The following HMG20A variants were observed in gnomAD, a reference collection of about 807,000 sequenced individuals.
HMG20A encodes high mobility group protein 20A.
HMG20A carries 17 observed loss-of-function variants against 43.9 expected under a neutral mutation model. The observed-to-expected ratio is 0.39, with a 90% CI of 0.27 to 0.58. The LOEUF (loss-of-function observed/expected upper bound fraction) is 0.58, where lower values mean the gene tolerates loss of function less well. HMG20A is among the 20% of genes least tolerant of loss of function. HMG20A has a pLI of 0.59. For synonymous variants in HMG20A, 132 were observed against 147.5 expected (o/e 0.89, Z 0.76); for missense variants, 341 against 438.2 (o/e 0.78, Z 1.98).
chr15:77,470,914 A>G lies in HMG20A; in HGVS notation c.455A>G (p.Tyr152Cys). The G allele has an allele frequency of 6.3e-7, 1 of 1,580,054 alleles. No homozygotes were observed. The highest frequency in any genetic ancestry group is 8.6e-7 in the Non-Finnish European group (1 of 1,168,784). The part of the protein sequence containing the change: ...SKLPPEEKQR[Y>C]LDEADRDKER... Reference sequence around the variant, plus strand: ...AATTCTGTATTTCTTTCCTAGCGCTACCTTGATGAAGCAGACAGAGATAAG... The same window carrying G: ...AATTCTGTATTTCTTTCCTAGCGCTGCCTTGATGAAGCAGACAGAGATAAG... Residue 152 changes from tyrosine to cysteine, a missense_variant, in exon 5 of 10, where the codon TAC becomes TGC. Transcript: ENST00000336216.
At chr15:77,457,695 C>T (rs943268698) in intron 1 of HMG20A, among the ~76,000 whole-genome samples, 1 of 152,124 alleles carries the variant, frequency 6.6e-6, no homozygotes, top group Non-Finnish European at 1.5e-5. Flanking sequence ...TACCCAGGTG[C>T]ATGCTATTTC....
the HMG20A span, among the ~76,000 whole-genome samples, chr15:77,515,713 A>G: frequency 1.3e-4 from 19 of 148,096 alleles, no homozygotes; most frequent in East Asian, 3.5e-3. Flanking sequence ...GATTTTCAAA[A>G]CACTCCAAAC....
intron 1 of HMG20A, among the ~76,000 whole-genome samples, chr15:77,441,182 A>G (rs2073609209): frequency 1.3e-5 from 2 of 152,200 alleles, no homozygotes; most frequent in South Asian, 2.1e-4. Context: ...GGAGCTTTTG[A>G]CTAGCTTGCC....
chr15:77,430,773 A>G (rs2073476346), intron 1 of HMG20A, among the ~76,000 whole-genome samples: 1 of 152,228 alleles, frequency 6.6e-6, no homozygotes. Context: ...GAACTGTAAG[A>G]AAGTTAATTT....
chr15:77,458,514 G>A lies in HMG20A; in HGVS notation c.89+18G>A. On this transcript the variant is annotated intron_variant, in intron 2 of 9. Transcript: ENST00000336216. ...ACCACTGGGTAAGCAGCTGCTTTAG[G>A]ACACTGGACTTCTCCATAGGCCTCA... 1.9e-6 allele frequency: 3 copies of A among 1,542,992 alleles called. No homozygotes were observed. The highest frequency in any genetic ancestry group is 2.7e-6 in the Non-Finnish European group (3 of 1,116,498).
At chr15:77,460,758 G>T (rs1363110407) in intron 2 of HMG20A, among the ~76,000 whole-genome samples, 1 of 152,082 alleles carries the variant, frequency 6.6e-6, no homozygotes, top group Non-Finnish European at 1.5e-5. Flanking sequence ...GACTGAGGTG[G>T]GTGGATCACT....
At chr15:77,471,759 T>C in intron 5 of HMG20A, 24 bp from the exon 6 acceptor site, 1 of 1,532,684 alleles carries the variant, frequency 6.5e-7, no homozygotes, top group Non-Finnish European at 9.0e-7. Context: ...AATGTAATGT[T>C]CTCTTATTCT....
At chr15:77,487,682 T>C (rs986773746), downstream of HMG20A, among the ~76,000 whole-genome samples, 1 of 152,240 alleles carries the variant, frequency 6.6e-6, no homozygotes, top group Non-Finnish European at 1.5e-5. Flanking sequence ...AAGCTTTCCC[T>C]AAGGGTGGGG....
chr15:77,495,274 G>A, the HMG20A span, among the ~76,000 whole-genome samples: 5 of 152,346 alleles, frequency 3.3e-5, no homozygotes, highest in African/African-American at 9.6e-5. Context: ...GCCAGCAGGC[G>A]TGGTGGCTCA....
chr15:77,477,552 C>G lies in HMG20A; in HGVS notation c.616-3C>G. 6.2e-7 allele frequency: 1 copy of G among 1,600,756 alleles called. No individual in the cohort carries two copies. On this transcript the variant is annotated splice_polypyrimidine_tract_variant and splice_region_variant and intron_variant, in intron 6 of 9. Transcript: ENST00000336216. ...TAACTGTTTTGTTCCTCTTGATTCA[C>G]AGAAAGAAACAGAGGTAAAGGAACG...
At chr15:77,488,871 C>G (rs1294900138), downstream of HMG20A, among the ~76,000 whole-genome samples, 1 of 152,204 alleles carries the variant, frequency 6.6e-6, no homozygotes, top group African/African-American at 2.4e-5. Flanking sequence ...TCTACATACA[C>G]TTTTAATGTA....
downstream of HMG20A, among the ~76,000 whole-genome samples, chr15:77,487,935 A>G (rs1050209684): frequency 6.6e-6 from 1 of 152,228 alleles, no homozygotes; most frequent in African/African-American, 2.4e-5. Context: ...GTTAATGTAC[A>G]TCTGCTCATC....
the HMG20A span, among the ~76,000 whole-genome samples, chr15:77,513,673 C>T: frequency 2.6e-5 from 4 of 152,052 alleles, no homozygotes; most frequent in Non-Finnish European, 4.4e-5. Context: ...CTTATAAGGA[C>T]ACCAGTTCTA....
chr15:77,455,135 T>G (rs1595921862), intron 1 of HMG20A, among the ~76,000 whole-genome samples: 1 of 151,864 alleles, frequency 6.6e-6, no homozygotes, highest in East Asian at 1.9e-4. Context: ...CTTCCAGCAC[T>G]GTCCAACACA....
intron 4 of HMG20A, among the ~76,000 whole-genome samples, chr15:77,467,751 A>G (rs2072769748): frequency 6.6e-6 from 1 of 152,230 alleles, no homozygotes; most frequent in Non-Finnish European, 1.5e-5. Context: ...CTGGCAAATT[A>G]ACCTACTATT....
At chr15:77,505,169 C>T in the HMG20A span, among the ~76,000 whole-genome samples, 1 of 152,210 alleles carries the variant, frequency 6.6e-6, no homozygotes, top group Admixed American at 6.5e-5. Flanking sequence ...AGTGCCCTTC[C>T]AGCCCTGGAC....
the HMG20A span, among the ~76,000 whole-genome samples, chr15:77,516,794 G>A: frequency 1.9e-4 from 29 of 151,242 alleles, no homozygotes; most frequent in African/African-American, 5.4e-4. Context: ...CAGCAAGCGC[G>A]TAGGCTAGAA....
chr15:77,450,865 A>G (rs1169401440), intron 1 of HMG20A, among the ~76,000 whole-genome samples: 1 of 152,186 alleles, frequency 6.6e-6, no homozygotes, highest in African/African-American at 2.4e-5. Context: ...ATTTGGTGGT[A>G]TCAGTGTTTG....
At chr15:77,428,211 C>T (rs1259212178) in intron 1 of HMG20A, among the ~76,000 whole-genome samples, 1 of 152,160 alleles carries the variant, frequency 6.6e-6, no homozygotes, top group Non-Finnish European at 1.5e-5. Context: ...TTTTCAAGGC[C>T]TTCTGTGTTC....
Sources: allele counts gnomAD v4.1 joint callset (sites outside exome capture counted in the v4.1 genomes callset), GRCh38; gene constraint gnomAD v4.1.1; transcripts MANE v1.5; gene names NCBI Gene and HGNC (gene_info 2026-07-23, HGNC 2026-07-21).